NBEAL1: variants seen among roughly 807,000 people sequenced by gnomAD.
NBEAL1 encodes the protein neurobeachin like 1, also known as neurobeachin-like protein 1.
Under a neutral mutation model 351.3 loss-of-function variants are expected in NBEAL1, and 273 were observed. The observed-to-expected ratio is 0.78, with a 90% CI of 0.70 to 0.86. NBEAL1 has a LOEUF of 0.86. NBEAL1 is among the 40% of genes least tolerant of loss of function. The pLI, the probability that NBEAL1 is intolerant of heterozygous loss-of-function variation, is 0.00. For missense variants in NBEAL1, 2,961 were observed against 3,201.3 expected (o/e 0.92, Z 1.81); for synonymous variants, 1,050 against 1,086.4 (o/e 0.97, Z 0.66).
intron 4 of NBEAL1, among the ~76,000 whole-genome samples, chr2:203,054,150 G>C (rs1241627197): frequency 6.6e-6 from 1 of 152,182 alleles, no homozygotes; most frequent in African/African-American, 2.4e-5. Flanking sequence ...TGCTGGCGGA[G>C]TGCAGTGGCT....
Position 203,166,241 on chromosome 2 carries a change from T to G in NBEAL1, c.5807T>G (p.Leu1936Ter), listed in dbSNP as rs772307252. 1.9e-6 allele frequency: 3 copies of G among 1,611,696 alleles called. No individual in the cohort carries two copies. The South Asian group carries it at 3.3e-5, about 18-fold the overall frequency. ...ITIIDVIPGR[L>*]EITTQHIYFY... ...ATAATTGATGTAATTCCTGGCAGAT[T>G]AGAAATCACTACTCAACACATTTAC... The change falls in exon 37 of 56, where the codon TTA becomes TGA. Residue 1936 changes from leucine to a stop codon, truncating the protein, a stop_gained. Coordinates refer to ENST00000683969, the MANE Select transcript of NBEAL1 (RefSeq NM_001378026.1). LOFTEE classifies it high-confidence loss of function.
At chr2:203,172,256 C>T (rs1213722129) in intron 40 of NBEAL1, among the ~76,000 whole-genome samples, 5 of 152,116 alleles carry the variant, frequency 3.3e-5, no homozygotes, top group African/African-American at 2.4e-5. Context: ...TGCGGTGGCT[C>T]ATGCTTGTAA....
At chr2:203,101,656 C>T (rs899851878) in intron 12 of NBEAL1, among the ~76,000 whole-genome samples, 1 of 152,062 alleles carries the variant, frequency 6.6e-6, no homozygotes, top group Non-Finnish European at 1.5e-5. Flanking sequence ...AGTGTAGTGG[C>T]GTGATCCTAG....
chr2:203,176,254 A>G (rs898975811), intron 42 of NBEAL1, among the ~76,000 whole-genome samples: 5 of 145,918 alleles, frequency 3.4e-5, no homozygotes, highest in African/African-American at 1.0e-4. Flanking sequence ...GCTCACTGAG[A>G]TGCGTGTGGT....
rs773503035 is a variant in NBEAL1, at chr2:203,213,498, A to G, written c.7935-20A>G. 6.3e-7 allele frequency: 1 copy of G among 1,598,380 alleles called. No homozygotes were observed. Among genetic ancestry groups the G allele is most frequent in the South Asian group, 1.1e-5 (1 of 89,004 alleles). ...TATAAATCCGTGTAATTATGTCTGTATTTTTTATTTCTTTTCTAGCTTGAA... is the reference window on the plus strand; with the variant it reads ...TATAAATCCGTGTAATTATGTCTGTGTTTTTTATTTCTTTTCTAGCTTGAA... On this transcript the variant is annotated intron_variant, in intron 54 of 55. Coordinates refer to ENST00000683969, the MANE Select transcript of NBEAL1 (RefSeq NM_001378026.1).
chr2:203,167,136 A>G, intron 37 of NBEAL1, 91 bp from the exon 38 acceptor site: 1 of 1,258,816 alleles, frequency 7.9e-7, no homozygotes, highest in Non-Finnish European at 1.1e-6. Context: ...CCTTTTTCCT[A>G]AAACCTTTTG....
At chr2:203,211,949 A>G (rs1439040007) in intron 54 of NBEAL1, among the ~76,000 whole-genome samples, 1 of 152,028 alleles carries the variant, frequency 6.6e-6, no homozygotes, top group East Asian at 1.9e-4. Context: ...GTGCAGTGGC[A>G]TGATATTGGC....
intron 53 of NBEAL1, among the ~76,000 whole-genome samples, chr2:203,210,362 CAAAAA>C (rs35856692): frequency 2.0e-5 from 2 of 100,460 alleles, no homozygotes; most frequent in Non-Finnish European, 2.0e-5. Flanking sequence ...GACATGGCCT[CAAAAA>C]AAAAAAAAAA....
At position 203,173,451 on chromosome 2, in the gene NBEAL1, C is replaced by T. The variant is rs2064385486; in HGVS notation, c.6323+598C>T. On this transcript the variant is annotated intron_variant, in intron 41 of 55. Transcript: ENST00000683969. Reference sequence around the variant, plus strand: ...TTTCTCCCTGTGAACTTAGGGATGACTTTTGAGTTTTGAATTCTAATAATA... The same window carrying T: ...TTTCTCCCTGTGAACTTAGGGATGATTTTTGAGTTTTGAATTCTAATAATA... Among the ~76,000 whole-genome samples, 3 of 152,024 alleles carry T rather than the reference C, an allele frequency of 2.0e-5. No homozygotes were observed. In the South Asian group the frequency reaches 6.2e-4, roughly 32 times the overall value.
At chr2:203,195,290 G>A (rs200565519) in intron 47 of NBEAL1, among the ~76,000 whole-genome samples, 2 of 152,144 alleles carry the variant, frequency 1.3e-5, no homozygotes, top group South Asian at 2.1e-4. Context: ...CAGTTTTATG[G>A]GGTACACCAC....
intron 39 of NBEAL1, 23 bp from the exon 40 acceptor site, chr2:203,171,905 T>C (rs1482464049): frequency 3.5e-6 from 5 of 1,410,122 alleles, no homozygotes; most frequent in Middle Eastern, 1.9e-4. Flanking sequence ...AATTTTGATA[T>C]TGCTCTTTTT....
At chr2:203,046,373 G>A (rs545686520) in intron 3 of NBEAL1, among the ~76,000 whole-genome samples, 1 of 151,924 alleles carries the variant, frequency 6.6e-6, no homozygotes, top group East Asian at 1.9e-4. Flanking sequence ...CCGCCACCAC[G>A]CTCGGCTAAT....
intron 3 of NBEAL1, among the ~76,000 whole-genome samples, chr2:203,042,333 A>G (rs1001618478): frequency 6.6e-6 from 1 of 152,232 alleles, no homozygotes; most frequent in African/African-American, 2.4e-5. Flanking sequence ...ATTGTAATGA[A>G]TACACATAGG....
intron 42 of NBEAL1, among the ~76,000 whole-genome samples, chr2:203,179,092 A>G (rs1008102881): frequency 5.3e-5 from 8 of 152,190 alleles, no homozygotes; most frequent in Non-Finnish European, 1.2e-4. Context: ...ACAAGAGACA[A>G]ATTGGTCATT....
Position 203,180,437 on chromosome 2 carries a change from A to G in NBEAL1, c.6520A>G (p.Met2174Val). The G allele has an allele frequency of 6.2e-7, 1 of 1,612,728 alleles. No homozygotes were observed. The highest frequency in any genetic ancestry group is 8.5e-7 in the Non-Finnish European group (1 of 1,179,198). Reference sequence around the variant, plus strand: ...TATTCCTGCTACCTGGCAAGCTCTTATGGATAATCCATATGATGTTAAAGA... The same window carrying G: ...TATTCCTGCTACCTGGCAAGCTCTTGTGGATAATCCATATGATGTTAAAGA... Reference protein sequence around the residue: ...HSIPATWQALMDNPYDVKELI... With the variant: ...HSIPATWQALVDNPYDVKELI... Residue 2174 changes from methionine to valine, a missense_variant, in exon 43 of 56, where the codon ATG becomes GTG. Transcript: ENST00000683969.
chr2:203,175,876 T>A (rs1387224768), intron 42 of NBEAL1, among the ~76,000 whole-genome samples: 1 of 152,188 alleles, frequency 6.6e-6, no homozygotes, highest in Non-Finnish European at 1.5e-5. Context: ...CATTTTGCCT[T>A]CCCTACCCAA....
chr2:203,145,252 C>A, intron 33 of NBEAL1, 92 bp downstream of exon 33: 1 of 1,070,264 alleles, frequency 9.3e-7, no homozygotes, highest in South Asian at 2.1e-5. Flanking sequence ...AACTTTAAAA[C>A]AAGCAGTATT....
Position 203,166,306 on chromosome 2 carries a change from T to C in NBEAL1, c.5863+9T>C. 6.3e-7 allele frequency: 1 copy of C among 1,590,674 alleles called. No homozygotes were observed. Among genetic ancestry groups the C allele is most frequent in the South Asian group, 1.2e-5 (1 of 85,532 alleles). ...CATTGAAAAAGAAGATGGTGAGGAG[T>C]TCTGGAAAAAATAATTTTTGCTGTT... On this transcript the variant is annotated intron_variant, in intron 37 of 55. Coordinates refer to ENST00000683969, the MANE Select transcript of NBEAL1 (RefSeq NM_001378026.1).
chr2:203,090,995 A>T (rs72934528), intron 10 of NBEAL1, among the ~76,000 whole-genome samples: 21 of 152,192 alleles, frequency 1.4e-4, no homozygotes, highest in African/African-American at 7.2e-5. Flanking sequence ...GTTAAAATAT[A>T]TAAAACATAA....
Sources: gnomAD v4.1 joint callset for allele counts (sites outside exome capture counted in the v4.1 genomes callset) on GRCh38, gnomAD v4.1.1 for gene constraint, MANE v1.5 for transcripts, NCBI Gene and HGNC (gene_info 2026-07-23, HGNC 2026-07-21) for gene names.